The following TARS3 variants were observed in gnomAD, a reference collection of about 807,000 sequenced individuals.
TARS3 encodes threonyl-tRNA synthetase 3, also known as threonine--tRNA ligase 2, cytoplasmic.
A neutral mutation model predicts 103.5 loss-of-function variants in TARS3; 94 were observed. The observed-to-expected ratio is 0.91, with a 90% CI of 0.77 to 1.08. TARS3 has a LOEUF of 1.08. Ranked by LOEUF, TARS3 falls within the 50% of genes least tolerant of loss-of-function variation. The pLI is 0.00. For synonymous variants in TARS3, 416 were observed against 355.4 expected (o/e 1.17, Z -1.92); for missense variants, 952 against 995.2 (o/e 0.96, Z 0.58).
chr15:101,685,672 C>CA (rs1567336617), intron 11 of TARS3, among the ~76,000 whole-genome samples: 1 of 151,946 alleles, frequency 6.6e-6, no homozygotes, highest in Non-Finnish European at 1.5e-5. Flanking sequence ...TTAATCAGCA[C>CA]AAAAAAATGC....
chr15:101,694,978 A>C (rs1446114799), intron 10 of TARS3, among the ~76,000 whole-genome samples: 2 of 152,228 alleles, frequency 1.3e-5, no homozygotes, highest in Non-Finnish European at 2.9e-5. Context: ...CGGATTTGCA[A>C]CGTGGAAAGA....
chr15:101,653,733 A>G lies in TARS3; in HGVS notation c.*849T>C, dbSNP rs1489253840. 4 of 152,264 alleles carry G rather than the reference A, an allele frequency of 2.6e-5. No homozygotes were observed. The highest frequency in any genetic ancestry group is 7.2e-5 in the African/African-American group (3 of 41,474). 9.4% of individuals were successfully genotyped at this position (152,264 alleles called of 1,614,324 possible). On this transcript the variant is annotated 3_prime_UTR_variant, in exon 19 of 19. Coordinates refer to ENST00000335968, the MANE Select transcript of TARS3 (RefSeq NM_152334.3). ...TTCACAGCATATCGCAAAATAAACA[A>G]TACTTCTTGTTTGGTAGCTGAATTC...
intron 10 of TARS3, among the ~76,000 whole-genome samples, chr15:101,693,264 TGG>T (rs550310089): frequency 6.6e-6 from 1 of 152,000 alleles, no homozygotes; most frequent in East Asian, 1.9e-4. Flanking sequence ...GCATGGCTGG[TGG>T]GGGGGCCTCA....
intron 17 of TARS3, among the ~76,000 whole-genome samples, chr15:101,657,484 G>A (rs1897234625): frequency 1.3e-5 from 2 of 152,224 alleles, no homozygotes; most frequent in African/African-American, 4.8e-5. Context: ...GTTTAAAGCT[G>A]CTAAGTTTTG....
chr15:101,675,032 T>G (rs1049097018), intron 13 of TARS3, among the ~76,000 whole-genome samples: 6 of 152,076 alleles, frequency 3.9e-5, no homozygotes, highest in Admixed American at 2.0e-4. Context: ...TCCTCATTTT[T>G]AATAAAAGTG....
intron 3 of TARS3, among the ~76,000 whole-genome samples, chr15:101,718,611 A>C (rs1197007523): frequency 6.6e-6 from 1 of 152,150 alleles, no homozygotes; most frequent in Non-Finnish European, 1.5e-5. Context: ...ATAAATCCAG[A>C]CAATAGAGGC....
At chr15:101,721,883 T>C (rs1210298062) in intron 2 of TARS3, among the ~76,000 whole-genome samples, 1 of 152,184 alleles carries the variant, frequency 6.6e-6, no homozygotes, top group Non-Finnish European at 1.5e-5. Context: ...TGTTTTTCAC[T>C]CAGTACAGTA....
rs115803140 is a variant in TARS3 at position 101,658,679 on chromosome 15, A to G, written c.2073-822T>C. Among the ~76,000 whole-genome samples, 1,304 of 152,336 alleles carry G rather than the reference A, an allele frequency of 8.6e-3. 22 individuals carry two copies. The highest frequency in any genetic ancestry group is 0.03 in the African/African-American group (1,242 of 41,576). Reference sequence around the variant, plus strand: ...TGCATGTGAGGCTGGTGAAATCGGAACAAGGTTGGTGGACAGTCTCAATGT... The same window carrying G: ...TGCATGTGAGGCTGGTGAAATCGGAGCAAGGTTGGTGGACAGTCTCAATGT... On this transcript the variant is annotated intron_variant, in intron 16 of 18. Coordinates refer to ENST00000335968, the MANE Select transcript of TARS3 (RefSeq NM_152334.3).
At chr15:101,666,022 C>A (rs1176518724) in intron 15 of TARS3, among the ~76,000 whole-genome samples, 1 of 152,164 alleles carries the variant, frequency 6.6e-6, no homozygotes, top group African/African-American at 2.4e-5. Context: ...ATTTCGAGAT[C>A]CTCACTGAAT....
chr15:101,661,068 G>T (rs1010262912), intron 16 of TARS3, among the ~76,000 whole-genome samples: 2 of 151,980 alleles, frequency 1.3e-5, no homozygotes, highest in South Asian at 4.2e-4. Flanking sequence ...CCTTATCTCC[G>T]GCCATTCTTC....
At chr15:101,704,577 C>G (rs575711091) in intron 7 of TARS3, among the ~76,000 whole-genome samples, 1 of 151,476 alleles carries the variant, frequency 6.6e-6, no homozygotes, top group Admixed American at 6.6e-5. Context: ...ATCACTTGAA[C>G]CTGGGAGGCA....
In TARS3 at chr15:101,717,752, G is replaced by A. The variant is rs148218601; in HGVS notation, c.567-2789C>T. On this transcript the variant is annotated intron_variant, in intron 3 of 18. Transcript: ENST00000335968. ...TCCCCAAAAGACCGTATGGAGACAT[G>A]TCACCCAGTCAACCTGGCCACCCAC... 2.4e-3 allele frequency among the ~76,000 whole-genome samples: 360 copies of A among 152,348 alleles called. 2 individuals are homozygous for A. Among genetic ancestry groups the A allele is most frequent in the African/African-American group, 8.2e-3 (339 of 41,578 alleles).
intron 10 of TARS3, 71 bp downstream of exon 10, chr15:101,701,015 T>C: frequency 2.8e-6 from 3 of 1,066,562 alleles, no homozygotes; most frequent in South Asian, 3.4e-5. Flanking sequence ...TTGACCACTT[T>C]ATTATGAGAG....
chr15:101,677,030 G>C (rs760641377), intron 12 of TARS3, among the ~76,000 whole-genome samples: 31 of 152,106 alleles, frequency 2.0e-4, no homozygotes, highest in Non-Finnish European at 4.3e-4. Flanking sequence ...TCATTGTTCA[G>C]TTCCCACTTA....
chr15:101,717,308 A>T (rs1900203736), intron 3 of TARS3, among the ~76,000 whole-genome samples: 1 of 152,244 alleles, frequency 6.6e-6, no homozygotes. Flanking sequence ...TATCTACAAA[A>T]TAGGGATTAT....
chr15:101,708,708 T>TAA (rs971723170), intron 6 of TARS3, 85 bp downstream of exon 6: 42 of 909,746 alleles, frequency 4.6e-5, no homozygotes, highest in Non-Finnish European at 5.6e-5. Flanking sequence ...GAGCAACAGG[T>TAA]AATTATTTGG....
In TARS3 at chr15:101,661,708, T is replaced by G. The variant is rs1897384872; in HGVS notation, c.2072+4A>C. 6.3e-7 allele frequency: 1 copy of G among 1,576,254 alleles called. No individual in the cohort carries two copies. The highest frequency in any genetic ancestry group is 1.3e-5 in the African/African-American group (1 of 74,152). Reference sequence around the variant, plus strand: ...ATATAGTTTTTCTTTTCCATATCACTTACCATTTTCCGCCATAGTTTTCTG... The same window carrying G: ...ATATAGTTTTTCTTTTCCATATCACGTACCATTTTCCGCCATAGTTTTCTG... On this transcript the variant is annotated splice_donor_region_variant and intron_variant, in intron 16 of 18. Coordinates refer to ENST00000335968, the MANE Select transcript of TARS3 (RefSeq NM_152334.3).
At chr15:101,721,021 T>A in intron 3 of TARS3, 105 bp downstream of exon 3, 1 of 907,434 alleles carries the variant, frequency 1.1e-6, no homozygotes, top group Non-Finnish European at 1.7e-6. Context: ...GTCCTTTTAG[T>A]ATCGTGAGAA....
rs759901459 is a variant in TARS3, at chr15:101,721,272, T to C, written c.420A>G (p.Ile140Met). The part of the protein sequence containing the change: ...FIKERLKLFE[I>M]LKKDHQLLLA... The stretch of plus-strand genomic sequence containing the variant: ...GTAAGAGCTGATGGTCTTTCTTCAG[T>C]ATTTCAAAAAGCTTCAATCTTTCTT... Residue 140 changes from isoleucine (I) to methionine (M), a missense_variant, in exon 3 of 19, where the codon ATA (isoleucine) becomes ATG (methionine). Physicochemically the swap from Ile to Met is conservative, Grantham distance 10. This residue lies in a region of TARS3 where 412 missense variants were observed against 364.2 expected (regional missense o/e 1.13). Transcript: ENST00000335968. 3.7e-6 allele frequency: 6 copies of C among 1,613,754 alleles called. No homozygotes were observed. The highest frequency in any genetic ancestry group is 4.2e-6 in the Non-Finnish European group (5 of 1,179,662).
Sources: gnomAD v4.1 joint callset for allele counts (sites outside exome capture counted in the v4.1 genomes callset) on GRCh38, gnomAD v4.1.1 for gene constraint, gnomAD v4.1.1 regional missense constraint, MANE v1.5 for transcripts, NCBI Gene and HGNC (gene_info 2026-07-23, HGNC 2026-07-21) for gene names.